The following ZNF469 variants were observed in gnomAD, a reference collection of about 807,000 sequenced individuals.
ZNF469 encodes zinc finger protein 469.
Under a neutral mutation model 1.0 loss-of-function variants are expected in ZNF469, and 1 was observed. The ratio of observed to expected loss-of-function variants is 1.00; its 90% CI spans 0.35 to 4.73. The LOEUF (loss-of-function observed/expected upper bound fraction) is 4.73. Among genes scored for constraint, ZNF469 ranks in the 30% most tolerant of loss-of-function variants. ZNF469 has a pLI of 0.16. For missense variants in ZNF469, 6,100 were observed against 5,356.3 expected (o/e 1.14, Z -4.33); for synonymous variants, 2,703 against 2,363.4 (o/e 1.14, Z -4.17).
the ZNF469 span, among the ~76,000 whole-genome samples, chr16:88,179,134 G>A: frequency 6.6e-6 from 1 of 152,186 alleles, no homozygotes; most frequent in African/African-American, 2.4e-5. Context: ...GACCCGCAGT[G>A]TAAGCATTGC....
the ZNF469 span, among the ~76,000 whole-genome samples, chr16:88,344,947 C>T: frequency 0.037 from 5,586 of 152,300 alleles, 328 homozygotes; most frequent in African/African-American, 0.13. Context: ...CGTGTGGCCC[C>T]GACATCCCTG....
chr16:88,430,657 C>A lies in ZNF469; in HGVS notation c.3187C>A (p.Arg1063=), dbSNP rs1468108940. 4.7e-6 allele frequency: 7 copies of A among 1,493,246 alleles called. No homozygotes were observed. The highest frequency in any genetic ancestry group is 6.2e-6 in the Non-Finnish European group (7 of 1,127,182). 92.5% of individuals were successfully genotyped at this position (1,493,246 alleles called of 1,614,324 possible). Residue 1063 remains arginine, a synonymous_variant, in exon 3 of 3, where the codon CGG becomes AGG. Transcript: ENST00000565624. ...KIVQQKNRRH[R]RLGRRAGRCG... ...CGTGCAGCAGAAGAACAGGCGCCAC[C>A]GGCGGCTGGGGCGGCGGGCGGGCAG... is the stretch of plus-strand genomic sequence containing the variant.
rs1904661134 is a variant in ZNF469 at position 88,396,428 on chromosome 16, G to A, written c.-192+13174G>A. 2.0e-5 allele frequency among the ~76,000 whole-genome samples: 3 copies of A among 151,154 alleles called. No individual in the cohort carries two copies. In the South Asian group the frequency reaches 6.3e-4, roughly 32 times the overall value. The stretch of plus-strand genomic sequence containing the variant: ...CCAGGAGGAGACCCTCCTGAAGGGA[G>A]GCTGGGAGGAGACCCTTATGAAGGG... On this transcript the variant is annotated intron_variant, in intron 1 of 2. Coordinates refer to ENST00000565624, the MANE Select transcript of ZNF469 (RefSeq NM_001367624.2).
In ZNF469 at chr16:88,382,964, C is replaced by A. The variant is rs1349063172; in HGVS notation, c.-482C>A. Among the ~76,000 whole-genome samples the A allele has an allele frequency of 6.6e-6, 1 of 151,868 alleles. No individual in the cohort carries two copies. Among genetic ancestry groups the A allele is most frequent in the Non-Finnish European group, 1.5e-5 (1 of 67,900 alleles). ...CGCCCCAGCCTCCGGGGGGCAGACC[C>A]CGCGGCCGCCGGCCGGCGTCCGGCC... On this transcript the variant is annotated 5_prime_UTR_variant, in exon 1 of 3. Transcript: ENST00000565624.
chr16:88,408,869 AT>A (rs1443492257), intron 1 of ZNF469, among the ~76,000 whole-genome samples: 1 of 151,946 alleles, frequency 6.6e-6, no homozygotes, highest in African/African-American at 2.4e-5. Flanking sequence ...CTCTTTCTTC[AT>A]TTCTTCCCTA....
the ZNF469 span, among the ~76,000 whole-genome samples, chr16:88,247,438 G>GAATGAGTCAATCAGTA: frequency 2.0e-5 from 3 of 151,638 alleles, no homozygotes; most frequent in African/African-American, 7.3e-5. Context: ...ATGAATGAGT[G>GAATGAGTCAATCAGTA]AATAAGTGAG....
the ZNF469 span, among the ~76,000 whole-genome samples, chr16:88,295,051 T>C: frequency 0.36 from 40,232 of 110,776 alleles, 6,874 homozygotes; most frequent in Non-Finnish European, 0.37. Context: ...GCCCCCAGGA[T>C]GTGGCAGGGC....
the ZNF469 span, among the ~76,000 whole-genome samples, chr16:88,350,084 C>T: frequency 4.6e-5 from 7 of 152,170 alleles, no homozygotes; most frequent in East Asian, 9.7e-4. Context: ...CCGGCAGGCA[C>T]GAGAAGGGCA....
chr16:88,374,223 A>G, the ZNF469 span, among the ~76,000 whole-genome samples: 18 of 152,236 alleles, frequency 1.2e-4, no homozygotes, highest in African/African-American at 4.1e-4. Flanking sequence ...ACAGCGAGAC[A>G]CAGGACACAG....
At chr16:88,323,367 G>A in the ZNF469 span, among the ~76,000 whole-genome samples, 1 of 152,220 alleles carries the variant, frequency 6.6e-6, no homozygotes, top group Admixed American at 6.5e-5. Context: ...ACATACAGCT[G>A]CCAAGATGAT....
the ZNF469 span, among the ~76,000 whole-genome samples, chr16:88,172,190 AG>A: frequency 6.6e-6 from 1 of 152,206 alleles, no homozygotes; most frequent in Admixed American, 6.5e-5. Context: ...AGAGCGCCAG[AG>A]GTCTGCAGAG....
At chr16:88,311,274 G>T in the ZNF469 span, among the ~76,000 whole-genome samples, 3 of 152,178 alleles carry the variant, frequency 2.0e-5, no homozygotes. Context: ...TTGGCCACCT[G>T]GCTGAGGCCT....
At chr16:88,311,819 C>T in the ZNF469 span, among the ~76,000 whole-genome samples, 5 of 152,188 alleles carry the variant, frequency 3.3e-5, no homozygotes, top group East Asian at 1.9e-4. Flanking sequence ...TTTGCATTTT[C>T]GCAATGATAT....
chr16:88,139,054 T>C, the ZNF469 span, among the ~76,000 whole-genome samples: 19 of 152,280 alleles, frequency 1.2e-4, no homozygotes, highest in African/African-American at 3.6e-4. Context: ...TTTAAGTCCA[T>C]AGACAAGCTT....
chr16:88,131,070 T>C, the ZNF469 span, among the ~76,000 whole-genome samples: 1 of 152,152 alleles, frequency 6.6e-6, no homozygotes, highest in African/African-American at 2.4e-5. Flanking sequence ...GCGGGTGAAA[T>C]TGCACAAAGG....
chr16:88,237,138 A>T, the ZNF469 span, among the ~76,000 whole-genome samples: 245 of 110,232 alleles, frequency 2.2e-3, 2 homozygotes, highest in South Asian at 7.1e-3. Flanking sequence ...TAAATCCTCC[A>T]TGCTCCTGCC....
At chr16:88,366,314 T>G in the ZNF469 span, among the ~76,000 whole-genome samples, 1 of 149,306 alleles carries the variant, frequency 6.7e-6, no homozygotes, top group African/African-American at 2.5e-5. Context: ...ATCATCACTA[T>G]CACCGTCATT....
the ZNF469 span, among the ~76,000 whole-genome samples, chr16:88,344,176 G>T: frequency 1.3e-5 from 2 of 151,444 alleles, no homozygotes; most frequent in African/African-American, 4.8e-5. Context: ...AATTTGTCAC[G>T]GCCCAGAGGA....
chr16:88,278,836 CTTGT>C, the ZNF469 span, among the ~76,000 whole-genome samples: 1 of 132,534 alleles, frequency 7.5e-6, no homozygotes, highest in Non-Finnish European at 1.7e-5. Context: ...CGGTCAGTAC[CTTGT>C]AGATATCAGT....
Sources: gnomAD v4.1 joint callset for allele counts (sites outside exome capture counted in the v4.1 genomes callset) on GRCh38, gnomAD v4.1.1 for gene constraint, MANE v1.5 for transcripts, NCBI Gene and HGNC (gene_info 2026-07-23, HGNC 2026-07-21) for gene names.